The following TMEM232 variants were observed in gnomAD, a reference collection of about 807,000 sequenced individuals.
The protein encoded by TMEM232 is transmembrane protein 232.
TMEM232 carries 80 observed loss-of-function variants against 78.8 expected under a neutral mutation model. The observed-to-expected ratio is 1.01, with a 90% CI of 0.85 to 1.22. The LOEUF is 1.22. Ranked by LOEUF, TMEM232 falls within the 50% of genes most tolerant of loss-of-function variation. TMEM232 has a pLI of 0.00. For missense variants in TMEM232, 881 were observed against 742.2 expected (o/e 1.19, Z -2.17); for synonymous variants, 297 against 254.3 (o/e 1.17, Z -1.60).
chr5:110,575,817 A>G (rs1777514328), intron 10 of TMEM232, among the ~76,000 whole-genome samples: 1 of 151,996 alleles, frequency 6.6e-6, no homozygotes, highest in Non-Finnish European at 1.5e-5. Context: ...ATACATCATG[A>G]ATCCCCTCCA....
At chr5:110,409,748 C>A (rs1297172718) in intron 2 of TMEM232, among the ~76,000 whole-genome samples, 1 of 151,680 alleles carries the variant, frequency 6.6e-6, no homozygotes, top group African/African-American at 2.4e-5. Flanking sequence ...ATGATTTTGC[C>A]CTTTAGCTAT....
At chr5:110,710,648 C>T (rs1216697862) in intron 1 of TMEM232, among the ~76,000 whole-genome samples, 1 of 152,056 alleles carries the variant, frequency 6.6e-6, no homozygotes, top group Non-Finnish European at 1.5e-5. Context: ...AAAAACGATA[C>T]AATTATTTCA....
intron 11 of TMEM232, among the ~76,000 whole-genome samples, chr5:110,554,327 C>A (rs978104817): frequency 6.6e-6 from 1 of 152,134 alleles, no homozygotes; most frequent in Non-Finnish European, 1.5e-5. Flanking sequence ...TTTCTGCCCC[C>A]GACCCCCTGC....
intron 1 of TMEM232, among the ~76,000 whole-genome samples, chr5:110,696,679 T>C (rs1794822068): frequency 6.6e-6 from 1 of 152,200 alleles, no homozygotes; most frequent in Admixed American, 6.5e-5. Context: ...AGCCAAATCA[T>C]GAGTGAACTC....
chr5:110,603,980 T>C (rs1309368751), intron 10 of TMEM232, among the ~76,000 whole-genome samples: 1 of 152,196 alleles, frequency 6.6e-6, no homozygotes, highest in Non-Finnish European at 1.5e-5. Context: ...AATATCTTAC[T>C]TCTTTAAATC....
At chr5:110,724,985 C>T (rs1798014347) in intron 1 of TMEM232, among the ~76,000 whole-genome samples, 1 of 152,150 alleles carries the variant, frequency 6.6e-6, no homozygotes, top group Middle Eastern at 3.4e-3. Context: ...AAATAATTTA[C>T]TAAGGTGGTA....
chr5:110,396,907 G>C (rs1468079346), intron 3 of TMEM232, among the ~76,000 whole-genome samples: 3 of 152,104 alleles, frequency 2.0e-5, no homozygotes, highest in African/African-American at 7.2e-5. Context: ...AGGAAGATGA[G>C]AAGCAAAGAG....
At chr5:110,516,590 T>A (rs1157722929) in intron 12 of TMEM232, among the ~76,000 whole-genome samples, 2 of 152,076 alleles carry the variant, frequency 1.3e-5, no homozygotes, top group African/African-American at 4.8e-5. Flanking sequence ...ACCATAATGA[T>A]TTTTTCATAT....
intron 1 of TMEM232, among the ~76,000 whole-genome samples, chr5:110,695,708 T>C (rs1175431803): frequency 8.6e-5 from 13 of 151,956 alleles, no homozygotes; most frequent in Non-Finnish European, 1.9e-4. Context: ...CTAGAAGAAA[T>C]GGATAAATTC....
chr5:110,738,896 C>A, upstream of TMEM232: 1 of 1,203,044 alleles, frequency 8.3e-7, no homozygotes. Flanking sequence ...CTTTTAAGGT[C>A]CAGGTTACCG....
At chr5:110,495,570 G>C (rs1765555289) in intron 12 of TMEM232, among the ~76,000 whole-genome samples, 1 of 151,792 alleles carries the variant, frequency 6.6e-6, no homozygotes, top group African/African-American at 2.4e-5. Flanking sequence ...ATGTTGAAAT[G>C]AAAACATAAG....
At chr5:110,669,660 C>G (rs1791098462) in intron 1 of TMEM232, among the ~76,000 whole-genome samples, 1 of 152,156 alleles carries the variant, frequency 6.6e-6, no homozygotes, top group African/African-American at 2.4e-5. Context: ...ATACCAAAGC[C>G]TGGCAGAGAC....
chr5:110,632,567 C>A (rs554073030), intron 5 of TMEM232, among the ~76,000 whole-genome samples: 11 of 151,744 alleles, frequency 7.2e-5, no homozygotes, highest in African/African-American at 2.7e-4. Context: ...TACAAAAGAA[C>A]CAAACAAAAT....
intron 1 of TMEM232, among the ~76,000 whole-genome samples, chr5:110,693,010 A>T (rs1324372957): frequency 6.6e-6 from 1 of 152,198 alleles, no homozygotes; most frequent in African/African-American, 2.4e-5. Flanking sequence ...TGCCTCCTCA[A>T]GTGGGTCCCT....
rs181893494 is a variant in TMEM232, at chr5:110,598,768, A to T, written c.1276+6341T>A. On this transcript the variant is annotated intron_variant, in intron 10 of 13. Coordinates refer to ENST00000455884, the MANE Select transcript of TMEM232 (RefSeq NM_001039763.4). Reference sequence around the variant, plus strand: ...CAGTAAACTATCGCAAGGACAAAAAACCAAACACCGCATGTTCTCACTCAT... The same window carrying T: ...CAGTAAACTATCGCAAGGACAAAAATCCAAACACCGCATGTTCTCACTCAT... 4.5e-3 allele frequency among the ~76,000 whole-genome samples: 668 copies of T among 149,864 alleles called. 3 individuals are homozygous for T. Among genetic ancestry groups the T allele is most frequent in the Non-Finnish European group, 6.5e-3 (437 of 67,660 alleles).
chr5:110,688,212 T>C (rs376225097), intron 1 of TMEM232, among the ~76,000 whole-genome samples: 13 of 152,166 alleles, frequency 8.5e-5, no homozygotes, highest in Admixed American at 6.6e-5. Context: ...CATTTCTATA[T>C]GGATAACCAT....
At chr5:110,583,009 G>A (rs1191384622) in intron 10 of TMEM232, among the ~76,000 whole-genome samples, 1 of 151,836 alleles carries the variant, frequency 6.6e-6, no homozygotes, top group Non-Finnish European at 1.5e-5. Context: ...ACTTAAATGA[G>A]ACACAAATGA....
intron 1 of TMEM232, among the ~76,000 whole-genome samples, chr5:110,683,773 A>G (rs1296611383): frequency 6.6e-6 from 1 of 151,942 alleles, no homozygotes; most frequent in Non-Finnish European, 1.5e-5. Context: ...AATATTACCT[A>G]TTAACCTAGC....
intron 1 of TMEM232, 116 bp downstream of exon 1, chr5:110,726,511 A>C (rs1332559029): frequency 1.3e-5 from 2 of 152,330 alleles, no homozygotes; most frequent in Admixed American, 6.5e-5. Flanking sequence ...CTGAGAAAGG[A>C]GGCTCAGTAT....
Sources: allele counts gnomAD v4.1 joint callset (sites outside exome capture counted in the v4.1 genomes callset), GRCh38; gene constraint gnomAD v4.1.1; transcripts MANE v1.5; gene names NCBI Gene and HGNC (gene_info 2026-07-23, HGNC 2026-07-21).